The following TTC39A variants were observed in gnomAD, a reference collection of about 807,000 sequenced individuals.
TTC39A encodes tetratricopeptide repeat protein 39A.
Under a neutral mutation model 82.3 loss-of-function variants are expected in TTC39A, and 46 were observed. The ratio of observed to expected loss-of-function variants is 0.56; its 90% CI spans 0.44 to 0.71. The LOEUF (loss-of-function observed/expected upper bound fraction) is 0.71. Ranked by LOEUF, TTC39A falls within the 30% of genes least tolerant of loss-of-function variation. The pLI, the probability that TTC39A is intolerant of heterozygous loss-of-function variation, is 0.00. For synonymous variants in TTC39A, 254 were observed against 275.2 expected (o/e 0.92, Z 0.76); for missense variants, 543 against 712.9 (o/e 0.76, Z 2.71).
Position 51,293,118 on chromosome 1 carries a change from A to G in TTC39A, c.1266+1273T>C, listed in dbSNP as rs866011579. 3.4e-5 allele frequency among the ~76,000 whole-genome samples: 5 copies of G among 145,388 alleles called. No homozygotes were observed. In the Middle Eastern group the frequency reaches 0.011, roughly 323 times the overall value. On this transcript the variant is annotated intron_variant, in intron 14 of 17. Transcript: ENST00000680483. The stretch of plus-strand genomic sequence containing the variant: ...GTTTCACTCTTGTTGCCCAGGCTGG[A>G]GTGCAATGGCACGATCTCAGCTCAC...
intron 1 of TTC39A, among the ~76,000 whole-genome samples, chr1:51,323,460 A>C (rs1331247268): frequency 6.6e-6 from 1 of 152,124 alleles, no homozygotes; most frequent in African/African-American, 2.4e-5. Context: ...CTTCTGGTCC[A>C]GGCCAGCACC....
At chr1:51,302,294 C>T in intron 11 of TTC39A, 63 bp downstream of exon 11, 2 of 1,348,914 alleles carry the variant, frequency 1.5e-6, no homozygotes, top group Non-Finnish European at 2.0e-6. Context: ...ATGTGCCTGA[C>T]TTCCTGCTGG....
chr1:51,302,243 C>T lies in TTC39A; in HGVS notation c.891+114G>A, dbSNP rs558161122. On this transcript the variant is annotated intron_variant, in intron 11 of 17. Coordinates refer to ENST00000680483, the MANE Select transcript of TTC39A (RefSeq NM_001297663.2). ...CTCTCTGGTTGGTTCTCTCTTGGCCCCCCCCCCGCCCCCAGTCTATCCTGT... is the reference window on the plus strand; with the variant it reads ...CTCTCTGGTTGGTTCTCTCTTGGCCTCCCCCCCGCCCCCAGTCTATCCTGT... The T allele has an allele frequency of 3.3e-5, 19 of 568,292 alleles. 1 individual carries two copies. Among genetic ancestry groups the T allele is most frequent in the Middle Eastern group, 5.4e-4 (2 of 3,696 alleles). 35.2% of individuals were successfully genotyped at this position (568,292 alleles called of 1,614,324 possible). A position where few individuals can be genotyped will look rare whatever the true frequency, so the allele number is the denominator to read the frequency against.
At position 51,303,198 on chromosome 1, in the gene TTC39A, G is replaced by A. The variant is rs764943400; in HGVS notation, c.655-6C>T. The A allele has an allele frequency of 4.5e-6, 7 of 1,547,160 alleles. No individual in the cohort carries two copies. Among genetic ancestry groups the A allele is most frequent in the South Asian group, 1.2e-5 (1 of 84,012 alleles). On this transcript the variant is annotated splice_polypyrimidine_tract_variant and splice_region_variant and intron_variant, in intron 8 of 17. Coordinates refer to ENST00000680483, the MANE Select transcript of TTC39A (RefSeq NM_001297663.2). ...AGCTGCAGCAGCCCATAGTCCTGAG[G>A]GGATGGGAGGGTGGGTGAGGCTCCC...
intron 12 of TTC39A, chr1:51,299,906 T>G (rs1644586292): frequency 6.6e-6 from 1 of 152,032 alleles, no homozygotes; most frequent in Non-Finnish European, 1.5e-5. Flanking sequence ...CTGACCAACA[T>G]AGCAAGACCC....
intron 16 of TTC39A, among the ~76,000 whole-genome samples, chr1:51,289,400 T>A (rs1644116152): frequency 1.3e-5 from 2 of 152,280 alleles, no homozygotes; most frequent in African/African-American, 4.8e-5. Flanking sequence ...TCATCTTCAA[T>A]CTTTTCTCTC....
chr1:51,344,616 C>A (rs1646074785), intron 1 of TTC39A, among the ~76,000 whole-genome samples: 1 of 152,254 alleles, frequency 6.6e-6, no homozygotes, highest in Non-Finnish European at 1.5e-5. Context: ...TTGGCTCATG[C>A]AGACCTGAGG....
At position 51,289,042 on chromosome 1, in the gene TTC39A, T is replaced by C. The variant is rs112961979; in HGVS notation, c.1494-87A>G. 4,139 of 1,294,006 alleles carry C rather than the reference T, an allele frequency of 3.2e-3. 87 individuals carry two copies. The African/African-American group carries it at 0.048, about 15-fold the overall frequency. The allele number at this position is 1,294,006 out of a possible 1,614,324, so 80.2% of individuals were successfully genotyped here. ...GGATTTCCTAACCCGAACTCCAATT[T>C]TGGGAGGTTCCCACTACCCAGCCCT... On this transcript the variant is annotated intron_variant, in intron 16 of 17. Coordinates refer to ENST00000680483, the MANE Select transcript of TTC39A (RefSeq NM_001297663.2).
intron 13 of TTC39A, chr1:51,295,429 C>T (rs1045672879): frequency 6.5e-6 from 1 of 153,214 alleles, no homozygotes; most frequent in African/African-American, 2.4e-5. Flanking sequence ...CCATCCTCCA[C>T]CTGCCAAGGC....
chr1:51,316,758 C>T (rs565895823), intron 2 of TTC39A, among the ~76,000 whole-genome samples: 11 of 152,358 alleles, frequency 7.2e-5, no homozygotes, highest in African/African-American at 2.6e-4. Flanking sequence ...ATACCCTGAA[C>T]TTGCTGCACC....
rs1455964755 is a variant in TTC39A at position 51,301,701 on chromosome 1, G to A, written c.924C>T (p.Ala308=). 1 of 1,612,328 alleles carries A rather than the reference G, an allele frequency of 6.2e-7. No individual in the cohort carries two copies. The highest frequency in any genetic ancestry group is 1.1e-5 in the South Asian group (1 of 91,062). Residue 308 remains alanine (A), a synonymous_variant, in exon 12 of 18, where the codon GCC becomes GCT. Coordinates refer to ENST00000680483, the MANE Select transcript of TTC39A (RefSeq NM_001297663.2). ...AIRRFEECCE[A]QQHWKQFHHM... ...GGTGGAACTGCTTCCAGTGCTGCTG[G>A]GCCTCACAGCACTCCTCGAAACGCC...
chr1:51,321,903 G>T lies in TTC39A; in HGVS notation c.42-78C>A. Reference sequence around the variant, plus strand: ...CTCCTGGCTGGAACAGAGCCTCACAGGGTCTACTCAGCCTCCCTGGCCAGC... The same window carrying T: ...CTCCTGGCTGGAACAGAGCCTCACATGGTCTACTCAGCCTCCCTGGCCAGC... On this transcript the variant is annotated intron_variant, in intron 1 of 17. Coordinates refer to ENST00000680483, the MANE Select transcript of TTC39A (RefSeq NM_001297663.2). The surrounding 1 kb of genome is among the most constrained non-coding windows in gnomAD (Gnocchi z 4.6). 1 of 1,448,088 alleles carries T rather than the reference G, an allele frequency of 6.9e-7. No homozygotes were observed. Among genetic ancestry groups the T allele is most frequent in the Non-Finnish European group, 9.5e-7 (1 of 1,053,566 alleles). 89.7% of individuals were successfully genotyped at this position (1,448,088 alleles called of 1,614,324 possible). A position where few individuals can be genotyped will look rare whatever the true frequency, so the allele number is the denominator to read the frequency against.
chr1:51,300,818 G>T (rs61780359), intron 12 of TTC39A: 1 of 152,160 alleles, frequency 6.6e-6, no homozygotes. Context: ...CTCAGCCCAT[G>T]AGGAATCTTC....
intron 1 of TTC39A, among the ~76,000 whole-genome samples, chr1:51,338,965 A>G (rs1646005081): frequency 1.3e-5 from 2 of 152,124 alleles, no homozygotes; most frequent in African/African-American, 4.8e-5. Context: ...TACACCTTTC[A>G]ATCACCCAGA....
chr1:51,290,637 G>A lies in TTC39A; in HGVS notation c.1267-12C>T, dbSNP rs1037250876. ...ATGTACATCATTTCCTGAAGGCAGG[G>A]GGGCAAGTCAGTCCTAGGTTTCTTC... On this transcript the variant is annotated splice_polypyrimidine_tract_variant and intron_variant, in intron 14 of 17. Coordinates refer to ENST00000680483, the MANE Select transcript of TTC39A (RefSeq NM_001297663.2). 1.2e-6 allele frequency: 2 copies of A among 1,608,114 alleles called. No homozygotes were observed. The highest frequency in any genetic ancestry group is 1.7e-6 in the Non-Finnish European group (2 of 1,176,928).
intron 14 of TTC39A, among the ~76,000 whole-genome samples, chr1:51,293,084 T>C (rs1042399970): frequency 6.7e-6 from 1 of 148,938 alleles, no homozygotes; most frequent in African/African-American, 2.5e-5. Context: ...TTTTTTTTTT[T>C]GAGATGGAGT....
intron 4 of TTC39A, 115 bp downstream of exon 4, chr1:51,312,004 T>A: frequency 8.8e-7 from 1 of 1,133,994 alleles, no homozygotes. Context: ...TGTCCTGGCA[T>A]GGACACCAGG....
At chr1:51,293,986 T>C (rs1015841995) in intron 14 of TTC39A, among the ~76,000 whole-genome samples, 1 of 152,242 alleles carries the variant, frequency 6.6e-6, no homozygotes, top group African/African-American at 2.4e-5. Context: ...CGATGTTGGC[T>C]ATTATGTGAG....
At chr1:51,311,403 CCCA>C in intron 4 of TTC39A, 82 bp from the exon 5 acceptor site, 1 of 1,338,488 alleles carries the variant, frequency 7.5e-7, no homozygotes, top group Non-Finnish European at 1.0e-6. Flanking sequence ...CCCCAACTTC[CCCA>C]AAAGCAAAGG....
Sources: gnomAD v4.1 joint callset for allele counts (sites outside exome capture counted in the v4.1 genomes callset) on GRCh38, gnomAD v4.1.1 for gene constraint, Gnocchi (gnomAD v3.1) non-coding constraint, MANE v1.5 for transcripts, NCBI Gene and HGNC (gene_info 2026-07-23, HGNC 2026-07-21) for gene names.